MUTYH: variants seen among roughly 807,000 people sequenced by gnomAD.
MUTYH encodes the protein mutY DNA glycosylase.
Under a neutral mutation model 72.9 loss-of-function variants are expected in MUTYH, and 64 were observed. The ratio of observed to expected loss-of-function variants is 0.88; its 90% confidence interval spans 0.72 to 1.08. The LOEUF (loss-of-function observed/expected upper bound fraction) is 1.08, where lower values mean the gene tolerates loss of function less well. Ranked by LOEUF, MUTYH falls within the 50% of genes least tolerant of loss-of-function variation. The pLI is 0.00. For missense variants in MUTYH, 633 were observed against 671.0 expected, an observed-to-expected ratio of 0.94 and a Z score of 0.63; for synonymous variants, 234 against 263.1, an observed-to-expected ratio of 0.89 and a Z score of 1.07.
intron 1 of MUTYH, among the ~76,000 whole-genome samples, chr1:45,335,998 T>G (rs1441647844): frequency 1.3e-5 from 2 of 152,174 alleles, no homozygotes; most frequent in African/African-American, 4.8e-5. Flanking sequence ...ACTTGTTTTT[T>G]CTTCCCCTCC....
intron 1 of MUTYH, among the ~76,000 whole-genome samples, chr1:45,337,558 A>C (rs1022581804): frequency 2.0e-5 from 3 of 149,708 alleles, no homozygotes; most frequent in Non-Finnish European, 4.4e-5. Flanking sequence ...TAAATACTGT[A>C]GGCCTTTACT....
At chr1:45,339,745 T>G in intron 1 of MUTYH, 154 bp downstream of exon 1, 1 of 1,004,540 alleles carries the variant, frequency 1.0e-6, no homozygotes, top group Non-Finnish European at 1.4e-6. Flanking sequence ...CACTGAGCTC[T>G]CCATCCTCTC....
chr1:45,333,026 C>T, intron 5 of MUTYH, 67 bp from the exon 6 acceptor site: 6 of 1,613,118 alleles, frequency 3.7e-6, no homozygotes, highest in Admixed American at 1.7e-5. Flanking sequence ...GCCTTCTCTA[C>T]ACCCACCCCA....
At chr1:45,331,375 T>C (rs2149115928) in intron 13 of MUTYH, 41 bp from the exon 14 acceptor site, 3 of 1,614,198 alleles carry the variant, frequency 1.9e-6, no homozygotes, top group Admixed American at 3.3e-5. Flanking sequence ...CCTGTGGATA[T>C]AGCCTCAAAA....
chr1:45,340,412 T>A (rs1646852988), upstream of MUTYH: 1 of 1,535,862 alleles, frequency 6.5e-7, no homozygotes, highest in African/African-American at 1.4e-5. Flanking sequence ...GACTGCTCCT[T>A]CCGCCTGAAC....
At chr1:45,339,510 G>C (rs911964045) in intron 1 of MUTYH, among the ~76,000 whole-genome samples, 4 of 152,062 alleles carry the variant, frequency 2.6e-5, no homozygotes, top group Admixed American at 2.6e-4. Flanking sequence ...CACCGCGCCC[G>C]GCCTAGGAAC....
At position 45,334,827 on chromosome 1, in the gene MUTYH, T is replaced by G. The variant is rs189164539; in HGVS notation, c.-6-316A>C. Among the ~76,000 whole-genome samples, 291 of 152,326 alleles carry G rather than the reference T, an allele frequency of 1.9e-3. 1 individual carries two copies. Among genetic ancestry groups the G allele is most frequent in the African/African-American group, 6.1e-3 (253 of 41,572 alleles). On this transcript the variant is annotated intron_variant, in intron 1 of 15. Coordinates refer to ENST00000456914, the MANE Select transcript of MUTYH (RefSeq NM_001048174.2). ...GCATTTGTGTATCTCTGATGCTTAC[T>G]GTGACTGTGTGTGTGGATAGGGGTT...
At chr1:45,334,271 G>A (rs1488097833) in intron 2 of MUTYH, 120 bp downstream of exon 2, 2 of 1,478,032 alleles carry the variant, frequency 1.4e-6, no homozygotes, top group Admixed American at 1.7e-5. Context: ...TTACAGGTGT[G>A]AGCCACCGCA....
Position 45,334,240 on chromosome 1 carries a change from C to T in MUTYH, c.115+151G>A, listed in dbSNP as rs3219486. The T allele has an allele frequency of 0.04, 47,478 of 1,181,250 alleles. 1,079 individuals carry two copies. The highest frequency in any genetic ancestry group is 0.058 in the South Asian group (4,594 of 79,266). The allele number at this position is 1,181,250 out of a possible 1,614,324, so 73.2% of individuals were successfully genotyped here. A position where few individuals can be genotyped will look rare whatever the true frequency, so the allele number is the denominator to read the frequency against. On this transcript the variant is annotated intron_variant, in intron 2 of 15. Coordinates refer to ENST00000456914, the MANE Select transcript of MUTYH (RefSeq NM_001048174.2). ...CTGGGCTCAAGGGATCCACCTGCCT[C>T]GGCCTCCCAAAGTGCTGGGATTACA...
intron 15 of MUTYH, chr1:45,330,060 C>T (rs1041597249): frequency 2.4e-5 from 4 of 165,020 alleles, no homozygotes; most frequent in African/African-American, 4.9e-5. Flanking sequence ...TGGTGAAACC[C>T]TGTCTCTACT....
chr1:45,330,681 G>T, intron 14 of MUTYH, 124 bp from the exon 15 acceptor site: 2 of 1,181,226 alleles, frequency 1.7e-6, no homozygotes, highest in Non-Finnish European at 2.5e-6. Context: ...CAGGCATGGT[G>T]GCTCACGCCT....
At chr1:45,338,984 C>G (rs1646447199) in intron 1 of MUTYH, among the ~76,000 whole-genome samples, 2 of 152,040 alleles carry the variant, frequency 1.3e-5, no homozygotes, top group Non-Finnish European at 1.5e-5. Context: ...CCAGGCTAGT[C>G]TTGAACTCCT....
chr1:45,337,205 G>A (rs1185548361), intron 1 of MUTYH, among the ~76,000 whole-genome samples: 2 of 149,892 alleles, frequency 1.3e-5, no homozygotes, highest in East Asian at 2.0e-4. Context: ...GTGCAGTGGT[G>A]TGATCTTGGC....
At chr1:45,332,357 C>A in intron 9 of MUTYH, 34 bp downstream of exon 9, 1 of 1,614,134 alleles carries the variant, frequency 6.2e-7, no homozygotes, top group Non-Finnish European at 8.5e-7. Flanking sequence ...TTTGCAGACA[C>A]CCCTGAAGCA....
At position 45,332,771 on chromosome 1, in the gene MUTYH, C is replaced by G. The variant is rs764458059; in HGVS notation, c.484G>C (p.Ala162Pro). ...TCCTGCCATCCCCTTACCTTCCGAGCTCCCTCCTGCAGCCGCCGGCCACGA... is the reference window on the plus strand; with the variant it reads ...TCCTGCCATCCCCTTACCTTCCGAGGTCCCTCCTGCAGCCGCCGGCCACGA... The part of the protein sequence containing the change: ...YSRGRRLQEG[A>P]RKVVEELGGH... The change falls in exon 7 of 16, where the codon GCT (alanine) becomes CCT (proline). Residue 162 changes from alanine to proline, a missense_variant. Transcript: ENST00000456914. 5 of 1,614,196 alleles carry G rather than the reference C, an allele frequency of 3.1e-6. No individual in the cohort carries two copies. The highest frequency in any genetic ancestry group is 1.3e-5 in the African/African-American group (1 of 75,040).
At chr1:45,333,068 T>C (rs1645254130) in intron 5 of MUTYH, 29 bp downstream of exon 5, 2 of 1,613,714 alleles carry the variant, frequency 1.2e-6, no homozygotes, top group Non-Finnish European at 8.5e-7. Flanking sequence ...GTCTGACCCA[T>C]GACCCTTCCC....
At chr1:45,335,551 TG>T (rs1645751465) in intron 1 of MUTYH, among the ~76,000 whole-genome samples, 2 of 151,890 alleles carry the variant, frequency 1.3e-5, no homozygotes, top group Admixed American at 1.3e-4. Flanking sequence ...GTCTAACTGT[TG>T]GAACTCAGAA....
Position 45,334,208 on chromosome 1 carries a change from C to T in MUTYH, c.115+183G>A. 3 of 840,278 alleles carry T rather than the reference C, an allele frequency of 3.6e-6. No homozygotes were observed. The South Asian group carries it at 4.5e-5, about 13-fold the overall frequency. The allele number at this position is 840,278 out of a possible 1,614,324, so 52.1% of individuals were successfully genotyped here. A position where few individuals can be genotyped will look rare whatever the true frequency, so the allele number is the denominator to read the frequency against. On this transcript the variant is annotated intron_variant, in intron 2 of 15. Coordinates refer to ENST00000456914, the MANE Select transcript of MUTYH (RefSeq NM_001048174.2). ...TTCGCCATGTTACCCAAGCTGGTCT[C>T]AAACTCCTGGGCTCAAGGGATCCAC... is the stretch of plus-strand genomic sequence containing the variant.
upstream of MUTYH, chr1:45,340,316 C>T: frequency 6.2e-7 from 1 of 1,610,786 alleles, no homozygotes; most frequent in Non-Finnish European, 8.5e-7. Context: ...TGAGCGGCTT[C>T]CCAGAGGTAG....
Sources: allele counts gnomAD v4.1 joint callset (sites outside exome capture counted in the v4.1 genomes callset), GRCh38; gene constraint gnomAD v4.1.1; transcripts MANE v1.5; gene names NCBI Gene and HGNC (gene_info 2026-07-23, HGNC 2026-07-21).